CACNA1E: variants seen among roughly 807,000 people sequenced by gnomAD.
CACNA1E encodes calcium voltage-gated channel subunit alpha1 E.
A neutral mutation model predicts 259.2 loss-of-function variants in CACNA1E; 40 were observed. The observed-to-expected ratio is 0.15, with a 90% CI of 0.12 to 0.20. The LOEUF (loss-of-function observed/expected upper bound fraction) is 0.20. CACNA1E is among the 10% of genes least tolerant of loss of function. The probability of loss-of-function intolerance (pLI) is 1.00; values close to 1 mark genes in which losing one functional copy is unlikely to be tolerated. For missense variants in CACNA1E, 1,874 were observed against 3,040.1 expected, an observed-to-expected ratio of 0.62 and a Z score of 9.02; for synonymous variants, 1,104 against 1,138.5, an observed-to-expected ratio of 0.97 and a Z score of 0.61.
chr1:181,740,572 C>T (rs1656474012), intron 25 of CACNA1E, among the ~76,000 whole-genome samples: 2 of 152,174 alleles, frequency 1.3e-5, no homozygotes, highest in Non-Finnish European at 2.9e-5. Flanking sequence ...AAGATACACT[C>T]CCAGCTGTGC....
intron 7 of CACNA1E, among the ~76,000 whole-genome samples, chr1:181,688,811 C>T (rs987872673): frequency 6.6e-6 from 1 of 152,156 alleles, no homozygotes; most frequent in Non-Finnish European, 1.5e-5. Context: ...CTTCCCACTC[C>T]AGCACCTGGT....
intron 7 of CACNA1E, among the ~76,000 whole-genome samples, chr1:181,710,197 C>T (rs1394044817): frequency 6.6e-6 from 1 of 151,890 alleles, no homozygotes; most frequent in East Asian, 1.9e-4. Flanking sequence ...TCCCCTCCAC[C>T]CCACCCCCAC....
chr1:181,708,431 G>C (rs1653006981), intron 7 of CACNA1E, among the ~76,000 whole-genome samples: 1 of 152,134 alleles, frequency 6.6e-6, no homozygotes, highest in South Asian at 2.1e-4. Context: ...TTTCTGAGCT[G>C]GAAAATGGAT....
At chr1:181,543,983 G>A (rs1364313911) in intron 3 of CACNA1E, among the ~76,000 whole-genome samples, 1 of 152,116 alleles carries the variant, frequency 6.6e-6, no homozygotes, top group East Asian at 1.9e-4. Context: ...AATTTTAAGA[G>A]GCATAACATA....
chr1:181,320,123 C>G (rs749824215), intron 1 of CACNA1E, among the ~76,000 whole-genome samples: 2 of 152,180 alleles, frequency 1.3e-5, no homozygotes, highest in Non-Finnish European at 2.9e-5. Flanking sequence ...GCATGATATA[C>G]AGTGACCCAC....
intron 7 of CACNA1E, among the ~76,000 whole-genome samples, chr1:181,672,302 G>A (rs993223262): frequency 6.6e-6 from 1 of 152,068 alleles, no homozygotes; most frequent in Non-Finnish European, 1.5e-5. Context: ...TTAATACCTG[G>A]GTGATGAAAT....
intron 32 of CACNA1E, among the ~76,000 whole-genome samples, chr1:181,760,351 C>T (rs1268938313): frequency 2.0e-5 from 3 of 152,176 alleles, no homozygotes; most frequent in African/African-American, 4.8e-5. Flanking sequence ...TTAAGGCACT[C>T]TAAGCTTTCA....
At chr1:181,374,757 G>A (rs1431617312) in intron 1 of CACNA1E, among the ~76,000 whole-genome samples, 1 of 152,196 alleles carries the variant, frequency 6.6e-6, no homozygotes, top group Non-Finnish European at 1.5e-5. Context: ...GTGAGCAACT[G>A]AGCATGGCTG....
chr1:181,688,590 A>G (rs1408677230), intron 7 of CACNA1E, among the ~76,000 whole-genome samples: 1 of 152,238 alleles, frequency 6.6e-6, no homozygotes, highest in African/African-American at 2.4e-5. Context: ...ATATATGTAT[A>G]TATTGTGAAA....
chr1:181,691,905 C>T (rs1651200281), intron 7 of CACNA1E, among the ~76,000 whole-genome samples: 1 of 152,018 alleles, frequency 6.6e-6, no homozygotes, highest in African/African-American at 2.4e-5. Context: ...AACAATTCTA[C>T]ATCTAGAAAA....
At chr1:181,718,261 G>A (rs921749803) in intron 12 of CACNA1E, 94 bp downstream of exon 12, 12 of 645,704 alleles carry the variant, frequency 1.9e-5, no homozygotes, top group Non-Finnish European at 3.3e-5. Flanking sequence ...ATGAGGCACT[G>A]AAATCAGAAT....
intron 6 of CACNA1E, among the ~76,000 whole-genome samples, chr1:181,616,340 G>A (rs376111539): frequency 1.7e-5 from 2 of 118,338 alleles, no homozygotes; most frequent in East Asian, 5.3e-4. Context: ...TGTTTGTTTT[G>A]TTTTGTTTTT....
intron 18 of CACNA1E, among the ~76,000 whole-genome samples, chr1:181,730,641 A>T (rs1558316488): frequency 6.6e-6 from 1 of 152,184 alleles, no homozygotes; most frequent in East Asian, 1.9e-4. Context: ...GCTGCCTCTG[A>T]CCATGGACCA....
At chr1:181,662,786 A>C (rs749427357) in intron 7 of CACNA1E, among the ~76,000 whole-genome samples, 2 of 152,208 alleles carry the variant, frequency 1.3e-5, no homozygotes, top group Non-Finnish European at 2.9e-5. Flanking sequence ...ATGTTTTCAG[A>C]TACCACTGGT....
rs952081789 is a variant in CACNA1E, at chr1:181,485,380, C to T, written c.266+1370C>T. On this transcript the variant is annotated intron_variant, in intron 1 of 47. Coordinates refer to ENST00000367573, the MANE Select transcript of CACNA1E (RefSeq NM_001205293.3). This position sits in a 1 kb window ranked among gnomAD's most constrained non-coding sequence, Gnocchi z 4.2. Reference sequence around the variant, plus strand: ...TCTCTAGTTCCCTGCCTCAGCAGCTCGGTGATTGGCTGGCGCGTGGTGCTT... The same window carrying T: ...TCTCTAGTTCCCTGCCTCAGCAGCTTGGTGATTGGCTGGCGCGTGGTGCTT... Among the ~76,000 whole-genome samples the T allele has an allele frequency of 3.3e-5, 5 of 152,292 alleles. No homozygotes were observed. The highest frequency in any genetic ancestry group is 2.1e-4 in the South Asian group (1 of 4,828).
At chr1:181,460,044 A>C in intron 2 of CACNA1E, among the ~76,000 whole-genome samples, 1 of 152,058 alleles carries the variant, frequency 6.6e-6, no homozygotes, top group East Asian at 1.9e-4. Context: ...TGCATACCTT[A>C]ATAAAGGCAC....
rs199720056 is a variant in CACNA1E at position 181,484,372 on chromosome 1, T to TCAA, written c.266+362_266+363insCAA. ...GTTGCCCCAATGCTTCCTTTCATAATTAATTCTCATTTTCCTTTCTTTAAG... is the reference window on the plus strand; with the variant it reads ...GTTGCCCCAATGCTTCCTTTCATAATCAATAATTCTCATTTTCCTTTCTTTAAG... On this transcript the variant is annotated intron_variant, in intron 1 of 47. Transcript: ENST00000367573. Among the ~76,000 whole-genome samples the TCAA allele has an allele frequency of 7.6e-3, 1,153 of 152,066 alleles. 12 individuals carry two copies. The highest frequency in any genetic ancestry group is 0.023 in the African/African-American group (974 of 41,510).
chr1:181,696,263 C>G (rs188405118), intron 7 of CACNA1E, among the ~76,000 whole-genome samples: 1 of 150,522 alleles, frequency 6.6e-6, no homozygotes, highest in East Asian at 2.0e-4. Flanking sequence ...TTTTTGTAAG[C>G]TTAGGAATGC....
intron 6 of CACNA1E, among the ~76,000 whole-genome samples, chr1:181,610,430 C>A (rs1392847631): frequency 6.6e-6 from 1 of 152,208 alleles, no homozygotes; most frequent in Non-Finnish European, 1.5e-5. Context: ...TTGTCTGCAG[C>A]ACTTTCTACT....
Sources: gnomAD v4.1 joint callset for allele counts (sites outside exome capture counted in the v4.1 genomes callset) on GRCh38, gnomAD v4.1.1 for gene constraint, Gnocchi (gnomAD v3.1) non-coding constraint, MANE v1.5 for transcripts, NCBI Gene and HGNC (gene_info 2026-07-23, HGNC 2026-07-21) for gene names.